Variants in GRIA1 observed in about 807,000 individuals in gnomAD.
GRIA1 encodes the protein glutamate ionotropic receptor AMPA type subunit 1.
In GRIA1, 31 loss-of-function variants were observed where a neutral mutation model predicts 99.2. That is an observed-to-expected ratio of 0.31 (90% CI 0.23 to 0.42). The LOEUF is 0.42. GRIA1 is among the 10% of genes least tolerant of loss of function. GRIA1 has a pLI of 1.00. For synonymous variants in GRIA1, 438 were observed against 432.4 expected (o/e 1.01, Z -0.16); for missense variants, 782 against 1,157.5 (o/e 0.68, Z 4.71).
chr5:153,493,266 G>A (rs1484011771), intron 1 of GRIA1, among the ~76,000 whole-genome samples: 3 of 152,186 alleles, frequency 2.0e-5, no homozygotes, highest in Non-Finnish European at 2.9e-5. Context: ...GTCATTCCTA[G>A]GTAACTGGGA....
intron 5 of GRIA1, among the ~76,000 whole-genome samples, chr5:153,663,729 C>A (rs1158778477): frequency 6.6e-6 from 1 of 152,154 alleles, no homozygotes. Flanking sequence ...GGAAAAAAAT[C>A]AGCAAAACAA....
chr5:153,681,325 C>T (rs114387228), intron 7 of GRIA1, among the ~76,000 whole-genome samples: 1 of 152,178 alleles, frequency 6.6e-6, no homozygotes, highest in Non-Finnish European at 1.5e-5. Flanking sequence ...GGCACCACCT[C>T]CAACGTCCAG....
chr5:153,523,599 T>A (rs535684460), intron 2 of GRIA1, among the ~76,000 whole-genome samples: 3 of 152,254 alleles, frequency 2.0e-5, no homozygotes, highest in Admixed American at 1.3e-4. Context: ...AAATTTCAGG[T>A]CTGTCATTGA....
At chr5:153,539,298 C>A (rs1353086) in intron 2 of GRIA1, among the ~76,000 whole-genome samples, 52,530 of 152,078 alleles carry the variant, frequency 0.35, 10,583 homozygotes, top group East Asian at 0.69. Context: ...TAGCCATATG[C>A]CATTGCATTC....
intron 2 of GRIA1, among the ~76,000 whole-genome samples, chr5:153,528,034 G>T (rs796772289): frequency 5.3e-4 from 80 of 152,248 alleles, no homozygotes; most frequent in African/African-American, 1.8e-3. Context: ...CAGTTCATTT[G>T]CACATCTTTG....
At chr5:153,693,289 G>T (rs148292327) in intron 8 of GRIA1, among the ~76,000 whole-genome samples, 1 of 152,106 alleles carries the variant, frequency 6.6e-6, no homozygotes, top group Non-Finnish European at 1.5e-5. Flanking sequence ...CAGTTACTTG[G>T]CTCAATCAGA....
chr5:153,490,582 G>T, upstream of GRIA1: 1 of 458,186 alleles, frequency 2.2e-6, no homozygotes, highest in South Asian at 2.2e-5. Context: ...AAGGGAGGGA[G>T]AGAGAGGCAG....
chr5:153,791,305 A>G (rs1052782380), intron 13 of GRIA1, among the ~76,000 whole-genome samples: 5 of 151,840 alleles, frequency 3.3e-5, no homozygotes, highest in African/African-American at 4.8e-5. Flanking sequence ...AAAAGAAAAG[A>G]AAAAACCTGC....
At chr5:153,789,083 A>G (rs943768615) in intron 13 of GRIA1, among the ~76,000 whole-genome samples, 8 of 152,206 alleles carry the variant, frequency 5.3e-5, no homozygotes, top group Admixed American at 2.0e-4. Context: ...ATATTTGAAG[A>G]CAATTCTTAT....
intron 11 of GRIA1, chr5:153,755,398 C>T (rs1762761461): frequency 6.6e-6 from 1 of 152,244 alleles, no homozygotes; most frequent in Admixed American, 6.5e-5. Context: ...CACAGTGGCA[C>T]ACCCCTGTAC....
At chr5:153,547,777 T>A (rs990655993) in intron 2 of GRIA1, among the ~76,000 whole-genome samples, 1 of 151,890 alleles carries the variant, frequency 6.6e-6, no homozygotes, top group African/African-American at 2.4e-5. Flanking sequence ...GAACCTGGAG[T>A]AATTAGCTGG....
At chr5:153,729,431 A>T (rs1760845486) in intron 11 of GRIA1, among the ~76,000 whole-genome samples, 1 of 152,068 alleles carries the variant, frequency 6.6e-6, no homozygotes, top group Admixed American at 6.6e-5. Flanking sequence ...GAGAAAAAGT[A>T]GAAAAGTTGG....
intron 3 of GRIA1, among the ~76,000 whole-genome samples, chr5:153,648,822 A>G (rs1219479402): frequency 6.8e-6 from 1 of 146,890 alleles, no homozygotes; most frequent in African/African-American, 2.5e-5. Context: ...AATATCTGTG[A>G]ATAATTAATA....
intron 2 of GRIA1, among the ~76,000 whole-genome samples, chr5:153,551,083 G>A (rs1334352985): frequency 6.6e-6 from 1 of 152,012 alleles, no homozygotes; most frequent in African/African-American, 2.4e-5. Context: ...ATTCATAACT[G>A]GCTCAAGAGT....
At chr5:153,722,603 T>C in intron 11 of GRIA1, among the ~76,000 whole-genome samples, 1 of 152,214 alleles carries the variant, frequency 6.6e-6, no homozygotes, top group East Asian at 1.9e-4. Flanking sequence ...TTCACATAAA[T>C]CAGTTACCAA....
intron 2 of GRIA1, among the ~76,000 whole-genome samples, chr5:153,540,982 T>A (rs575015506): frequency 6.6e-6 from 1 of 152,306 alleles, no homozygotes; most frequent in East Asian, 1.9e-4. Flanking sequence ...AGGCAGGCAG[T>A]ACCCAAAACC....
At chr5:153,607,370 A>G (rs1366127113) in intron 2 of GRIA1, among the ~76,000 whole-genome samples, 1 of 151,544 alleles carries the variant, frequency 6.6e-6, no homozygotes, top group African/African-American at 2.4e-5. Context: ...CTTCTTTTCT[A>G]TGTTTAATTT....
rs115773412 is a variant in GRIA1 at position 153,760,007 on chromosome 5, C to T, written c.1824-4427C>T. Among the ~76,000 whole-genome samples, 941 of 151,940 alleles carry T rather than the reference C, an allele frequency of 6.2e-3. 11 individuals are homozygous for T. Among genetic ancestry groups the T allele is most frequent in the African/African-American group, 0.021 (881 of 41,510 alleles). On this transcript the variant is annotated intron_variant, in intron 11 of 15. Coordinates refer to ENST00000285900, the MANE Select transcript of GRIA1 (RefSeq NM_000827.4). The stretch of plus-strand genomic sequence containing the variant: ...AATAAAATTCAGCAACCTTTTATGA[C>T]GAAAACCCTCAACAAATTAACTATA...
At chr5:153,673,592 GCTCT>G (rs1255556164) in intron 5 of GRIA1, among the ~76,000 whole-genome samples, 3 of 152,242 alleles carry the variant, frequency 2.0e-5, no homozygotes, top group East Asian at 3.9e-4. Context: ...TAGTTCTGGT[GCTCT>G]CTCTGTTACT....
Sources: allele counts gnomAD v4.1 joint callset (sites outside exome capture counted in the v4.1 genomes callset), GRCh38; gene constraint gnomAD v4.1.1; transcripts MANE v1.5; gene names NCBI Gene and HGNC (gene_info 2026-07-23, HGNC 2026-07-21).